Variants in IQSEC1 observed in about 807,000 individuals in gnomAD.
IQSEC1 encodes IQ motif and SEC7 domain-containing protein 1.
Under a neutral mutation model 91.0 loss-of-function variants are expected in IQSEC1, and 31 were observed. The ratio of observed to expected loss-of-function variants is 0.34; its 90% CI spans 0.26 to 0.46. The LOEUF (loss-of-function observed/expected upper bound fraction) is 0.46. Among genes scored for constraint, IQSEC1 ranks in the 20% least tolerant of loss-of-function variants. IQSEC1 has a pLI of 1.00. For missense variants in IQSEC1, 1,388 were observed against 1,575.6 expected (o/e 0.88, Z 2.02); for synonymous variants, 699 against 662.6 (o/e 1.05, Z -0.84).
intron 1 of IQSEC1, among the ~76,000 whole-genome samples, chr3:12,989,827 T>C (rs1403046810): frequency 6.6e-6 from 1 of 152,126 alleles, no homozygotes; most frequent in Non-Finnish European, 1.5e-5. Context: ...AGGTCCCCCA[T>C]GATAAAGATG....
intron 1 of IQSEC1, among the ~76,000 whole-genome samples, chr3:13,070,641 C>T (rs636442): frequency 0.11 from 16,887 of 152,164 alleles, 1,098 homozygotes; most frequent in Non-Finnish European, 0.15. Context: ...AAGATCCTTG[C>T]GTACAAACAG....
chr3:13,083,305 ATC>A (rs1705677615), intron 2 of IQSEC1, among the ~76,000 whole-genome samples: 1 of 152,188 alleles, frequency 6.6e-6, no homozygotes, highest in African/African-American at 2.4e-5. Context: ...TTCTCCCAGG[ATC>A]TGAGTCCCTG....
Position 12,908,650 on chromosome 3 carries a change from T to C in IQSEC1, c.2579-125A>G. The C allele has an allele frequency of 9.3e-7, 1 of 1,077,870 alleles. No individual in the cohort carries two copies. The highest frequency in any genetic ancestry group is 1.4e-6 in the Non-Finnish European group (1 of 739,538). The allele number at this position is 1,077,870 out of a possible 1,614,324, so 66.8% of individuals were successfully genotyped here. A position where few individuals can be genotyped will look rare whatever the true frequency, so the allele number is the denominator to read the frequency against. On this transcript the variant is annotated intron_variant, in intron 11 of 13. Coordinates refer to ENST00000613206, the MANE Select transcript of IQSEC1 (RefSeq NM_001134382.3). This position sits in a 1 kb window ranked among gnomAD's most constrained non-coding sequence, Gnocchi z 4.9. ...ATCTGCTTGGAATGGGGAAGGGTTG[T>C]TTCTGGGAAAGAGGGTGTGATGGCC...
chr3:13,201,399 T>C (rs1410420606), intron 1 of IQSEC1, among the ~76,000 whole-genome samples: 2 of 152,232 alleles, frequency 1.3e-5, no homozygotes, highest in Non-Finnish European at 1.5e-5. Flanking sequence ...AATGCGATCA[T>C]AGCTCACTGC....
At chr3:13,060,483 G>A (rs1437421540) in intron 1 of IQSEC1, among the ~76,000 whole-genome samples, 2 of 152,300 alleles carry the variant, frequency 1.3e-5, no homozygotes, top group East Asian at 3.9e-4. Context: ...GCAGTCTCAG[G>A]GCCTGACTCC....
chr3:12,985,905 AAAAG>A (rs1415178706), intron 1 of IQSEC1, among the ~76,000 whole-genome samples: 2 of 152,246 alleles, frequency 1.3e-5, no homozygotes, highest in South Asian at 2.1e-4. Context: ...GCCCAGGCAG[AAAAG>A]AAAGAGACAG....
At chr3:12,955,909 G>A (rs1304260792) in intron 1 of IQSEC1, among the ~76,000 whole-genome samples, 1 of 152,194 alleles carries the variant, frequency 6.6e-6, no homozygotes. Flanking sequence ...GTCTCCAATA[G>A]AGACTGGCAG....
intron 2 of IQSEC1, among the ~76,000 whole-genome samples, chr3:13,118,453 A>G (rs1280118088): frequency 6.6e-6 from 1 of 152,226 alleles, no homozygotes; most frequent in Non-Finnish European, 1.5e-5. Flanking sequence ...TTTCGTCCAT[A>G]TATACAACAG....
intron 1 of IQSEC1, among the ~76,000 whole-genome samples, chr3:13,276,961 A>G (rs769982400): frequency 1.3e-5 from 2 of 151,766 alleles, no homozygotes; most frequent in Non-Finnish European, 2.9e-5. Flanking sequence ...AATTAGGTCA[A>G]TTCCCTCTCC....
At chr3:13,147,993 T>C (rs59428879) in intron 2 of IQSEC1, among the ~76,000 whole-genome samples, 1,882 of 152,334 alleles carry the variant, frequency 0.012, 61 homozygotes, top group South Asian at 0.12. Context: ...AGTAGTGGGA[T>C]TGCTGAATCC....
chr3:13,213,462 A>G (rs1238392961), intron 1 of IQSEC1, among the ~76,000 whole-genome samples: 1 of 151,938 alleles, frequency 6.6e-6, no homozygotes, highest in Non-Finnish European at 1.5e-5. Flanking sequence ...GGGATCCCCT[A>G]CTTTGTTCTT....
chr3:12,916,516 G>A (rs564788465), intron 6 of IQSEC1, among the ~76,000 whole-genome samples: 1 of 152,230 alleles, frequency 6.6e-6, no homozygotes, highest in Non-Finnish European at 1.5e-5. Context: ...CCATCCGCCA[G>A]ACTGCAGTCC....
intron 13 of IQSEC1, 67 bp downstream of exon 13, chr3:12,902,706 G>C: frequency 5.6e-6 from 3 of 535,064 alleles, no homozygotes; most frequent in Non-Finnish European, 1.1e-5. Flanking sequence ...CAGGACAACA[G>C]ATATGAACTG....
At chr3:13,156,881 T>A (rs1475380855) in intron 2 of IQSEC1, among the ~76,000 whole-genome samples, 1 of 152,132 alleles carries the variant, frequency 6.6e-6, no homozygotes, top group African/African-American at 2.4e-5. Context: ...GGGACACTAA[T>A]GAGCTTGGAA....
intron 1 of IQSEC1, among the ~76,000 whole-genome samples, chr3:13,066,830 T>A (rs1191126706): frequency 6.6e-6 from 1 of 152,238 alleles, no homozygotes; most frequent in Non-Finnish European, 1.5e-5. Flanking sequence ...TTTACAGGCG[T>A]AGCCCACAGG....
intron 2 of IQSEC1, among the ~76,000 whole-genome samples, chr3:13,146,594 C>CT (rs1232583517): frequency 6.6e-6 from 1 of 152,218 alleles, no homozygotes; most frequent in African/African-American, 2.4e-5. Flanking sequence ...CATCCCAGCA[C>CT]TTTTTGAGGC....
At chr3:13,111,613 A>C (rs114381358) in intron 2 of IQSEC1, among the ~76,000 whole-genome samples, 1 of 152,124 alleles carries the variant, frequency 6.6e-6, no homozygotes, top group Non-Finnish European at 1.5e-5. Flanking sequence ...CTAACCCCCA[A>C]TGTGACAGTA....
Position 12,940,193 on chromosome 3 carries a change from G to A in IQSEC1, c.318+1378C>T, listed in dbSNP as rs1698621030. Reference sequence around the variant, plus strand: ...AACAGAGGTTGCTCTGCCCTGTGTCGGTCCGGCCTAAGTTGCAAGGCAGCA... The same window carrying A: ...AACAGAGGTTGCTCTGCCCTGTGTCAGTCCGGCCTAAGTTGCAAGGCAGCA... On this transcript the variant is annotated intron_variant, in intron 2 of 13. Transcript: ENST00000613206. The surrounding 1 kb of genome is among the most constrained non-coding windows in gnomAD (Gnocchi z 4.4). Among the ~76,000 whole-genome samples, 1 of 152,006 alleles carries A rather than the reference G, an allele frequency of 6.6e-6. No homozygotes were observed. Among genetic ancestry groups the A allele is most frequent in the African/African-American group, 2.4e-5 (1 of 41,360 alleles).
intron 2 of IQSEC1, among the ~76,000 whole-genome samples, chr3:13,159,344 G>A (rs1371714717): frequency 1.3e-5 from 2 of 152,098 alleles, no homozygotes; most frequent in African/African-American, 2.4e-5. Flanking sequence ...CAGGAGAATC[G>A]CTTGAACCTG....
Sources: allele counts gnomAD v4.1 joint callset (sites outside exome capture counted in the v4.1 genomes callset), GRCh38; gene constraint gnomAD v4.1.1; non-coding constraint Gnocchi (gnomAD v3.1); transcripts MANE v1.5; gene names NCBI Gene and HGNC (gene_info 2026-07-23, HGNC 2026-07-21).